SYT16: variants seen among roughly 807,000 people sequenced by gnomAD.
SYT16 encodes synaptotagmin 16.
SYT16 carries 42 observed loss-of-function variants against 61.4 expected under a neutral mutation model. The ratio of observed to expected loss-of-function variants is 0.68; its 90% CI spans 0.53 to 0.89. The LOEUF (loss-of-function observed/expected upper bound fraction) is 0.89, where lower values mean the gene tolerates loss of function less well. Among genes scored for constraint, SYT16 ranks in the 40% least tolerant of loss-of-function variants. The probability of loss-of-function intolerance (pLI) is 0.00; values close to 1 mark genes in which losing one functional copy is unlikely to be tolerated. For missense variants in SYT16, 804 were observed against 807.3 expected, an observed-to-expected ratio of 1.00 and a Z score of 0.05; for synonymous variants, 314 against 302.3, an observed-to-expected ratio of 1.04 and a Z score of -0.40.
chr14:61,838,558 C>T (rs976388644), intron 1 of SYT16, among the ~76,000 whole-genome samples: 1 of 152,212 alleles, frequency 6.6e-6, no homozygotes, highest in African/African-American at 2.4e-5. Flanking sequence ...TGACAGAACA[C>T]AATCTCTTAA....
At chr14:61,904,843 G>A (rs554440269) in intron 1 of SYT16, among the ~76,000 whole-genome samples, 1 of 152,250 alleles carries the variant, frequency 6.6e-6, no homozygotes, top group Non-Finnish European at 1.5e-5. Flanking sequence ...ACTATAATTA[G>A]CAGCTCCTAA....
intron 1 of SYT16, among the ~76,000 whole-genome samples, chr14:61,955,627 T>C (rs2050845737): frequency 6.6e-6 from 1 of 152,134 alleles, no homozygotes. Context: ...GGATTTCTTT[T>C]TTTTAAGGCT....
intron 1 of SYT16, among the ~76,000 whole-genome samples, chr14:61,826,105 T>C (rs1011924504): frequency 6.6e-6 from 1 of 152,192 alleles, no homozygotes; most frequent in Non-Finnish European, 1.5e-5. Context: ...TCAACTCACT[T>C]ATTCCCGTTC....
chr14:61,928,703 T>C (rs997156034), intron 1 of SYT16, among the ~76,000 whole-genome samples: 1 of 152,218 alleles, frequency 6.6e-6, no homozygotes, highest in Admixed American at 6.5e-5. Context: ...TCTGTAGATA[T>C]CGGCTACTCT....
At chr14:61,904,833 A>C (rs949994703) in intron 1 of SYT16, among the ~76,000 whole-genome samples, 1 of 152,220 alleles carries the variant, frequency 6.6e-6, no homozygotes, top group Non-Finnish European at 1.5e-5. Context: ...ATATCTCATT[A>C]CTATAATTAG....
At chr14:61,844,972 T>G (rs1455609190) in intron 1 of SYT16, among the ~76,000 whole-genome samples, 2 of 151,904 alleles carry the variant, frequency 1.3e-5, no homozygotes, top group Non-Finnish European at 2.9e-5. Context: ...GTATTGGTTC[T>G]CCTTTAAATG....
At chr14:61,925,096 A>C (rs766878855) in intron 1 of SYT16, among the ~76,000 whole-genome samples, 1 of 152,248 alleles carries the variant, frequency 6.6e-6, no homozygotes, top group Non-Finnish European at 1.5e-5. Context: ...AGCCATTGGC[A>C]TAGCTAAATG....
At chr14:62,099,825 C>T (rs1023209455) in intron 7 of SYT16, among the ~76,000 whole-genome samples, 2 of 152,096 alleles carry the variant, frequency 1.3e-5, no homozygotes, top group Non-Finnish European at 2.9e-5. Flanking sequence ...CTTTAGTGAG[C>T]TGTGATCATG....
chr14:61,992,458 C>T (rs2140613560), intron 2 of SYT16, among the ~76,000 whole-genome samples: 1 of 152,134 alleles, frequency 6.6e-6, no homozygotes, highest in South Asian at 2.1e-4. Context: ...TTGCTGTTGT[C>T]CTGAAATTAG....
At chr14:61,965,928 T>C (rs2051297602) in intron 1 of SYT16, among the ~76,000 whole-genome samples, 1 of 152,088 alleles carries the variant, frequency 6.6e-6, no homozygotes, top group South Asian at 2.1e-4. Flanking sequence ...TTTTGTGTTA[T>C]AAAGGAAAAG....
At chr14:61,866,790 A>T (rs1047540298) in intron 1 of SYT16, among the ~76,000 whole-genome samples, 1 of 151,970 alleles carries the variant, frequency 6.6e-6, no homozygotes, top group Non-Finnish European at 1.5e-5. Context: ...TTTTTCTTTT[A>T]TATTTAGTGC....
chr14:62,038,318 TC>T (rs2054589770), intron 3 of SYT16, among the ~76,000 whole-genome samples: 1 of 149,416 alleles, frequency 6.7e-6, no homozygotes, highest in Non-Finnish European at 1.5e-5. Context: ...GGCCTCAGAA[TC>T]CAATTCATAT....
chr14:62,025,120 G>A lies in SYT16; in HGVS notation c.523+28578G>A, dbSNP rs1202497100. ...TCCGTGTACAGGTTTTTGTGTAGAC[G>A]TGTTTTCAATTCTTTTGGACAAATA... On this transcript the variant is annotated intron_variant, in intron 3 of 7. Transcript: ENST00000683842. 4.6e-5 allele frequency among the ~76,000 whole-genome samples: 7 copies of A among 152,126 alleles called. No individual in the cohort carries two copies. The East Asian group carries it at 7.7e-4, about 17-fold the overall frequency.
At chr14:61,827,633 A>G (rs2045812022) in intron 1 of SYT16, among the ~76,000 whole-genome samples, 1 of 152,158 alleles carries the variant, frequency 6.6e-6, no homozygotes, top group Non-Finnish European at 1.5e-5. Context: ...CCTATTGGTC[A>G]TGATTTTTTT....
intron 7 of SYT16, among the ~76,000 whole-genome samples, chr14:62,084,725 C>T (rs1337204691): frequency 1.3e-5 from 2 of 152,178 alleles, no homozygotes; most frequent in East Asian, 3.8e-4. Flanking sequence ...AGAGCTCTGG[C>T]TTTGGAGTAA....
chr14:62,045,350 G>A (rs2140865763), intron 3 of SYT16, among the ~76,000 whole-genome samples: 1 of 152,196 alleles, frequency 6.6e-6, no homozygotes, highest in South Asian at 2.1e-4. Flanking sequence ...TTGGACAAAG[G>A]TGTATAAAAG....
At position 62,081,007 on chromosome 14, in the gene SYT16, A is replaced by G. The variant is rs2056687231; in HGVS notation, c.1167A>G (p.Gln389=). The G allele has an allele frequency of 6.2e-7, 1 of 1,613,384 alleles. No individual in the cohort carries two copies. ...ACCGAAGTGGTGTCAACTCCTGGCA[A>G]GTTCATGTAGTGCTGCTGCCTGGTA... ...DKDRSGVNSW[Q]VHVVLLPGKK... is the part of the protein sequence containing the mutation. The change falls in exon 6 of 8, where the codon CAA becomes CAG. Residue 389 remains glutamine (Q), a synonymous_variant. Transcript: ENST00000683842.
intron 7 of SYT16, among the ~76,000 whole-genome samples, chr14:62,089,440 C>A (rs1294285127): frequency 6.6e-6 from 1 of 152,080 alleles, no homozygotes; most frequent in African/African-American, 2.4e-5. Flanking sequence ...TTTCGAACTT[C>A]ATTTCTATGT....
At chr14:61,875,671 G>T (rs2047463986) in intron 1 of SYT16, among the ~76,000 whole-genome samples, 1 of 152,126 alleles carries the variant, frequency 6.6e-6, no homozygotes, top group Non-Finnish European at 1.5e-5. Flanking sequence ...TGTAGAGCTG[G>T]GTTGGTGGAT....
Sources: gnomAD v4.1 joint callset for allele counts (sites outside exome capture counted in the v4.1 genomes callset) on GRCh38, gnomAD v4.1.1 for gene constraint, MANE v1.5 for transcripts, NCBI Gene and HGNC (gene_info 2026-07-23, HGNC 2026-07-21) for gene names.